The following BRD9 variants were observed in gnomAD, a reference collection of about 807,000 sequenced individuals.
BRD9 encodes bromodomain-containing protein 9.
In BRD9, 47 loss-of-function variants were observed where a neutral mutation model predicts 68.7. That is an observed-to-expected ratio of 0.68 (90% CI 0.54 to 0.87). The LOEUF (loss-of-function observed/expected upper bound fraction) is 0.87. Among genes scored for constraint, BRD9 ranks in the 40% least tolerant of loss-of-function variants. The pLI is 0.00. For missense variants in BRD9, 670 were observed against 748.4 expected, an observed-to-expected ratio of 0.90 and a Z score of 1.22; for synonymous variants, 313 against 293.9, an observed-to-expected ratio of 1.06 and a Z score of -0.67.
At chr5:885,276 G>C (rs1011676408) in intron 7 of BRD9, among the ~76,000 whole-genome samples, 1 of 152,212 alleles carries the variant, frequency 6.6e-6, no homozygotes, top group African/African-American at 2.4e-5. Flanking sequence ...ACTGTCGTCC[G>C]TTGCCAAGCA....
intron 5 of BRD9, among the ~76,000 whole-genome samples, chr5:888,637 A>G (rs1375965542): frequency 6.6e-6 from 1 of 152,266 alleles, no homozygotes; most frequent in Non-Finnish European, 1.5e-5. Context: ...ACTATGCTAA[A>G]AAAACTAAAT....
chr5:889,789 G>T, intron 3 of BRD9, 142 bp from the exon 4 acceptor site: 1 of 1,480,680 alleles, frequency 6.8e-7, no homozygotes. Flanking sequence ...AGATACATCC[G>T]ACTCAGCCTT....
intron 11 of BRD9, among the ~76,000 whole-genome samples, chr5:877,937 C>T (rs74784501): frequency 0.031 from 4,650 of 152,214 alleles, 213 homozygotes; most frequent in African/African-American, 0.1. Flanking sequence ...GACGGAAAGA[C>T]GGCACCTGCA....
At chr5:884,717 G>C (rs1390584091) in intron 7 of BRD9, among the ~76,000 whole-genome samples, 1 of 152,270 alleles carries the variant, frequency 6.6e-6, no homozygotes. Flanking sequence ...CCTAGGGCCA[G>C]GTGCAGGCCC....
At chr5:881,640 A>C in intron 8 of BRD9, 2 of 197,866 alleles carry the variant, frequency 1.0e-5, no homozygotes, top group East Asian at 2.7e-4. Flanking sequence ...TGGTGTGTGC[A>C]GACTTGGGGT....
In BRD9 at chr5:891,163, G is replaced by T; in HGVS notation, c.392C>A (p.Thr131Lys). Residue 131 changes from threonine to lysine, a missense_variant, in exon 3 of 16, where the codon ACA becomes AAA. Physicochemically the swap from Thr to Lys is moderately conservative, Grantham distance 78. Coordinates refer to ENST00000467963, the MANE Select transcript of BRD9 (RefSeq NM_023924.5). ...TAAAAGTGCACCCTTGCCTGGCTGT[G>T]TCCGGCACGCTCGGACTGGCCGATC... ...PPDRPVRACR[T>K]QPAENESTPI... 1 of 1,550,944 alleles carries T rather than the reference G, an allele frequency of 6.4e-7. No homozygotes were observed. The highest frequency in any genetic ancestry group is 1.2e-5 in the South Asian group (1 of 83,938).
chr5:869,733 T>G (rs60114190), intron 14 of BRD9, among the ~76,000 whole-genome samples: 5,716 of 152,334 alleles, frequency 0.038, 339 homozygotes, highest in African/African-American at 0.13. Flanking sequence ...TTCAACCAAA[T>G]GCCAATCAGG....
At chr5:876,257 G>T in intron 11 of BRD9, 45 bp from the exon 12 acceptor site, 2 of 1,495,956 alleles carry the variant, frequency 1.3e-6, no homozygotes, top group Non-Finnish European at 9.3e-7. Flanking sequence ...AGCCCTTGTC[G>T]CCTGGCCCTC....
intron 7 of BRD9, 55 bp from the exon 8 acceptor site, chr5:884,125 G>A: frequency 6.3e-7 from 1 of 1,588,168 alleles, no homozygotes; most frequent in Non-Finnish European, 8.6e-7. Flanking sequence ...CCGCACACCT[G>A]CTCCCCATGC....
intron 12 of BRD9, 103 bp downstream of exon 12, chr5:875,998 C>A (rs115771511): frequency 2.0e-5 from 15 of 759,478 alleles, no homozygotes; most frequent in Non-Finnish European, 2.6e-5. Context: ...AGAGTCCCTG[C>A]GACAGCTCCT....
chr5:888,113 A>AC (rs1469616577), intron 5 of BRD9: 2 of 154,090 alleles, frequency 1.3e-5, no homozygotes, highest in African/African-American at 4.8e-5. Flanking sequence ...TGCCATCTGG[A>AC]CCCTCCCCAA....
intron 3 of BRD9, 193 bp from the exon 4 acceptor site, chr5:889,840 C>G: frequency 3.4e-6 from 4 of 1,192,106 alleles, no homozygotes; most frequent in Non-Finnish European, 4.6e-6. Context: ...GGCACCCCCA[C>G]AGCAGGAGTC....
intron 3 of BRD9, among the ~76,000 whole-genome samples, chr5:890,211 G>GA (rs1228199141): frequency 6.6e-6 from 1 of 152,042 alleles, no homozygotes; most frequent in African/African-American, 2.4e-5. Context: ...ATTAAAAAAA[G>GA]AAAGTGCCTG....
In BRD9 at chr5:883,984, G is replaced by A; in HGVS notation, c.920C>T (p.Ala307Val). Residue 307 changes from alanine (A) to valine (V), a missense_variant, in exon 8 of 16, where the codon GCT becomes GTT. Physicochemically the swap from Ala to Val is moderately conservative, Grantham distance 64. Transcript: ENST00000467963. ...EHVLALVEHA[A>V]DEARDRINRF... is the part of the protein sequence containing the mutation. ...GTTGATCCTGTCCCGAGCTTCGTCA[G>A]CTGCGTGCTCCACCAGCGCCAGCAC... 3.1e-6 allele frequency: 5 copies of A among 1,613,638 alleles called. No individual in the cohort carries two copies. The highest frequency in any genetic ancestry group is 4.2e-6 in the Non-Finnish European group (5 of 1,180,034).
At chr5:865,866 G>A (rs1056858695) in intron 14 of BRD9, 8 of 311,872 alleles carry the variant, frequency 2.6e-5, no homozygotes, top group Admixed American at 1.5e-4. Flanking sequence ...CACAGACACC[G>A]TGGAGGGATG....
At chr5:876,303 C>T (rs752271046) in intron 11 of BRD9, 91 bp from the exon 12 acceptor site, 22 of 908,310 alleles carry the variant, frequency 2.4e-5, no homozygotes, top group Admixed American at 1.4e-4. Context: ...GCCGTGCCAG[C>T]GCAGCTCCTC....
rs1423312407 is a variant in BRD9 at position 891,386 on chromosome 5, A to G, written c.268-99T>C. The G allele has an allele frequency of 6.2e-6, 9 of 1,461,062 alleles. No individual in the cohort carries two copies. The Admixed American group carries it at 7.3e-5, about 12-fold the overall frequency. 90.5% of individuals were successfully genotyped at this position (1,461,062 alleles called of 1,614,324 possible). The stretch of plus-strand genomic sequence containing the variant: ...CAGTTCTCAGGGGAGGGACAGAACT[A>G]AGGGAAACCCCCTCCGAGATCCTCC... On this transcript the variant is annotated intron_variant, in intron 2 of 15. Transcript: ENST00000467963.
At chr5:890,217 G>A (rs1322889158) in intron 3 of BRD9, among the ~76,000 whole-genome samples, 1 of 152,024 alleles carries the variant, frequency 6.6e-6, no homozygotes, top group African/African-American at 2.4e-5. Flanking sequence ...AAAAGAAAGT[G>A]CCTGAAGAGC....
At position 865,502 on chromosome 5, in the gene BRD9, G is replaced by A. The variant is rs142284487; in HGVS notation, c.1605C>T (p.His535=). 19 of 1,608,332 alleles carry A rather than the reference G, an allele frequency of 1.2e-5. No homozygotes were observed. Among genetic ancestry groups the A allele is most frequent in the African/African-American group, 2.7e-5 (2 of 74,926 alleles). ...DETTKLLQDL[H]EAQAERGGSR... is the part of the protein sequence containing the mutation. ...AGCCGCCGCGCTCCGCCTGTGCTTC[G>A]TGCAGGTCCTGCAGGAGCTTCGTCG... is the stretch of plus-strand genomic sequence containing the variant. Residue 535 remains histidine, a synonymous_variant, in exon 15 of 16, where the codon CAC becomes CAT. Coordinates refer to ENST00000467963, the MANE Select transcript of BRD9 (RefSeq NM_023924.5).
Sources: allele counts gnomAD v4.1 joint callset (sites outside exome capture counted in the v4.1 genomes callset), GRCh38; gene constraint gnomAD v4.1.1; transcripts MANE v1.5; gene names NCBI Gene and HGNC (gene_info 2026-07-23, HGNC 2026-07-21).